The following SPTSSB variants were observed in gnomAD, a reference collection of about 807,000 sequenced individuals.
SPTSSB encodes the protein serine palmitoyltransferase small subunit B, also known as androgen down regulated in mouse prostate.
A neutral mutation model predicts 7.7 loss-of-function variants in SPTSSB; 6 were observed. The observed-to-expected ratio is 0.78, with a 90% CI of 0.43 to 1.54. The LOEUF (loss-of-function observed/expected upper bound fraction) is 1.54. SPTSSB is among the 40% of genes most tolerant of loss of function. The pLI, the probability that SPTSSB is intolerant of heterozygous loss-of-function variation, is 0.01. For missense variants in SPTSSB, 91 were observed against 93.0 expected, an observed-to-expected ratio of 0.98 and a Z score of 0.09; for synonymous variants, 28 against 29.7, an observed-to-expected ratio of 0.94 and a Z score of 0.19.
At chr3:161,369,347 T>TCTTTC (rs1491523139) in intron 1 of SPTSSB, among the ~76,000 whole-genome samples, 3 of 105,238 alleles carry the variant, frequency 2.9e-5, no homozygotes, top group African/African-American at 1.2e-4. Flanking sequence ...TTTCTTTCTT[T>TCTTTC]CTTTCTCTTT....
chr3:161,348,028 A>G (rs1169116719), intron 2 of SPTSSB: 1 of 152,218 alleles, frequency 6.6e-6, no homozygotes, highest in Non-Finnish European at 1.5e-5. Flanking sequence ...CATCACAGTC[A>G]GGAGATGCTC....
At chr3:161,353,241 G>T (rs959164545) in intron 2 of SPTSSB, among the ~76,000 whole-genome samples, 2 of 152,126 alleles carry the variant, frequency 1.3e-5, no homozygotes, top group African/African-American at 2.4e-5. Context: ...CACAGCAACT[G>T]TAGTGTCTTG....
intron 1 of SPTSSB, among the ~76,000 whole-genome samples, chr3:161,368,406 C>T (rs1226850950): frequency 1.3e-5 from 2 of 150,380 alleles, no homozygotes; most frequent in South Asian, 2.1e-4. Context: ...TAGTCACTCC[C>T]GTTTTCTCCC....
At chr3:161,364,757 G>A (rs1040739646) in intron 1 of SPTSSB, among the ~76,000 whole-genome samples, 4 of 151,640 alleles carry the variant, frequency 2.6e-5, no homozygotes, top group African/African-American at 9.7e-5. Context: ...TTTCTATGAG[G>A]CACAATTAGA....
At position 161,369,634 on chromosome 3, in the gene SPTSSB, T is replaced by C. The variant is rs144573410; in HGVS notation, c.-126+1801A>G. Among the ~76,000 whole-genome samples, 150 of 152,080 alleles carry C rather than the reference T, an allele frequency of 9.9e-4. 2 individuals carry two copies. Among genetic ancestry groups the C allele is most frequent in the African/African-American group, 3.2e-3 (131 of 41,496 alleles). On this transcript the variant is annotated intron_variant, in intron 1 of 2. Coordinates refer to ENST00000620149, the MANE Select transcript of SPTSSB (RefSeq NM_001040100.2). ...TTTCTGTCTTAAGAGTGGAGGATGG[T>C]TGGAGGAAGAGAGCCTCAGAACTCT...
chr3:161,351,814 G>T (rs1168403197), intron 2 of SPTSSB, among the ~76,000 whole-genome samples: 1 of 151,928 alleles, frequency 6.6e-6, no homozygotes, highest in Non-Finnish European at 1.5e-5. Context: ...CCTACTAATT[G>T]CAACCTGCAG....
chr3:161,350,217 GAAAGAGGCGTAGCAGGTGATTTGGTA>G (rs1714461517), intron 2 of SPTSSB, among the ~76,000 whole-genome samples: 1 of 152,088 alleles, frequency 6.6e-6, no homozygotes, highest in Non-Finnish European at 1.5e-5. Flanking sequence ...TAACTGCAAT[GAAAGAGGCGTAGCAGGTGATTTGGTA>G]CAGTGGTATT....
At chr3:161,349,009 G>T (rs1215250395) in intron 2 of SPTSSB, among the ~76,000 whole-genome samples, 1 of 152,034 alleles carries the variant, frequency 6.6e-6, no homozygotes, top group African/African-American at 2.4e-5. Context: ...TCTCCTGTGG[G>T]ACTATATACA....
rs569203297 is a variant in SPTSSB, at chr3:161,348,381, C to A, written c.-32-2026G>T. 2.6e-5 allele frequency among the ~76,000 whole-genome samples: 4 copies of A among 152,316 alleles called. No individual in the cohort carries two copies. The South Asian group carries it at 8.3e-4, about 32-fold the overall frequency. On this transcript the variant is annotated intron_variant, in intron 2 of 2. Coordinates refer to ENST00000620149, the MANE Select transcript of SPTSSB (RefSeq NM_001040100.2). ...TTAAAATTAGAATTCCTTGCTTGGG[C>A]AGCCCTAGCCAACACCTTAATGATG...
intron 2 of SPTSSB, among the ~76,000 whole-genome samples, chr3:161,346,715 C>T (rs901608742): frequency 5.9e-5 from 9 of 152,112 alleles, no homozygotes; most frequent in African/African-American, 2.2e-4. Flanking sequence ...TGAACCTAAG[C>T]ACAGCTCTGA....
chr3:161,359,718 A>G (rs748962372), intron 2 of SPTSSB, 84 bp downstream of exon 2: 59 of 985,148 alleles, frequency 6.0e-5, no homozygotes, highest in Non-Finnish European at 7.1e-5. Flanking sequence ...GGAGAGAACT[A>G]GATGTGTTAA....
chr3:161,366,070 C>CT (rs1237126916), intron 1 of SPTSSB, among the ~76,000 whole-genome samples: 2 of 152,204 alleles, frequency 1.3e-5, no homozygotes, highest in African/African-American at 4.8e-5. Context: ...CTCCCCAACA[C>CT]TTTCACTCTT....
chr3:161,349,377 T>C (rs916057305), intron 2 of SPTSSB, among the ~76,000 whole-genome samples: 1 of 152,210 alleles, frequency 6.6e-6, no homozygotes, highest in Non-Finnish European at 1.5e-5. Context: ...AACTAGATGA[T>C]AGCAAACATT....
intron 2 of SPTSSB, among the ~76,000 whole-genome samples, chr3:161,353,853 G>A (rs1241916869): frequency 6.6e-6 from 1 of 152,000 alleles, no homozygotes; most frequent in Non-Finnish European, 1.5e-5. Context: ...TTCCATCCTT[G>A]TTTAAACTTT....
intron 1 of SPTSSB, among the ~76,000 whole-genome samples, chr3:161,363,977 A>C (rs1715117245): frequency 6.6e-6 from 1 of 152,022 alleles, no homozygotes; most frequent in African/African-American, 2.4e-5. Flanking sequence ...AAAAAAATCC[A>C]TAAAATCTCT....
chr3:161,368,476 G>C (rs891998045), intron 1 of SPTSSB, among the ~76,000 whole-genome samples: 1 of 150,200 alleles, frequency 6.7e-6, no homozygotes, highest in African/African-American at 2.5e-5. Flanking sequence ...GCCCAGGCTG[G>C]AGTGCAGTGG....
chr3:161,345,901 A>G lies in SPTSSB; in HGVS notation c.*192T>C. 1.9e-6 allele frequency: 1 copy of G among 517,254 alleles called. No homozygotes were observed. The highest frequency in any genetic ancestry group is 3.5e-6 in the Non-Finnish European group (1 of 286,602). The allele number at this position is 517,254 out of a possible 1,614,324, so 32.0% of individuals were successfully genotyped here. ...TGTATTATCTCCGGTCTAAAGCACA[A>G]TGTAGCATGTGCAAAAGAAACTAAA... On this transcript the variant is annotated 3_prime_UTR_variant, in exon 3 of 3. Coordinates refer to ENST00000620149, the MANE Select transcript of SPTSSB (RefSeq NM_001040100.2).
intron 1 of SPTSSB, among the ~76,000 whole-genome samples, chr3:161,371,166 A>G (rs1479057282): frequency 1.3e-5 from 2 of 152,226 alleles, no homozygotes; most frequent in Non-Finnish European, 2.9e-5. Flanking sequence ...GAAGGTAAAT[A>G]GTGAAAATAG....
At chr3:161,365,424 A>G (rs1436884135) in intron 1 of SPTSSB, among the ~76,000 whole-genome samples, 1 of 152,248 alleles carries the variant, frequency 6.6e-6, no homozygotes, top group Admixed American at 6.5e-5. Context: ...TCTCAGGGGC[A>G]TAGAAGAAGA....
Sources: gnomAD v4.1 joint callset for allele counts (sites outside exome capture counted in the v4.1 genomes callset) on GRCh38, gnomAD v4.1.1 for gene constraint, MANE v1.5 for transcripts, NCBI Gene and HGNC (gene_info 2026-07-23, HGNC 2026-07-21) for gene names.